Variants in NBAS observed in about 807,000 individuals in gnomAD.
NBAS encodes the protein NBAS subunit of NRZ tethering complex, also known as NAG/BC035112 fusion.
In NBAS, 219 loss-of-function variants were observed where a neutral mutation model predicts 302.5. That is an observed-to-expected ratio of 0.72 (90% CI 0.65 to 0.81). The LOEUF is 0.81. Among genes scored for constraint, NBAS ranks in the 30% least tolerant of loss-of-function variants. The probability of loss-of-function intolerance (pLI) is 0.00; values close to 1 mark genes in which losing one functional copy is unlikely to be tolerated. For synonymous variants in NBAS, 1,118 were observed against 1,021.6 expected (o/e 1.09, Z -1.80); for missense variants, 2,932 against 2,841.6 (o/e 1.03, Z -0.72).
At chr2:15,233,104 G>A (rs1035880043) in intron 46 of NBAS, among the ~76,000 whole-genome samples, 5 of 152,016 alleles carry the variant, frequency 3.3e-5, no homozygotes, top group Admixed American at 6.6e-5. Flanking sequence ...TGCCAGATTC[G>A]GTTCCTTTCA....
rs114001156 is a variant in NBAS, at chr2:15,235,082, G to A, written c.5944-335C>T. ...ATAATGGTCAGTTCTTTAGCACTTC[G>A]GGAATAAAGTAATGCTCGATAAGTA... On this transcript the variant is annotated intron_variant, in intron 45 of 51. Transcript: ENST00000281513. Among the ~76,000 whole-genome samples, 781 of 152,204 alleles carry A rather than the reference G, an allele frequency of 5.1e-3. 8 individuals carry two copies. The highest frequency in any genetic ancestry group is 0.018 in the African/African-American group (743 of 41,534).
chr2:15,203,238 G>A (rs1392443174), intron 48 of NBAS, among the ~76,000 whole-genome samples: 3 of 152,102 alleles, frequency 2.0e-5, no homozygotes, highest in African/African-American at 7.2e-5. Context: ...ATATCATTCT[G>A]TCATACTTTA....
chr2:15,511,454 A>G, intron 9 of NBAS, 104 bp from the exon 10 acceptor site: 1 of 997,250 alleles, frequency 1.0e-6, no homozygotes, highest in Non-Finnish European at 1.5e-6. Context: ...TTTACCAAGT[A>G]CTATTAATAT....
chr2:14,880,800 C>T, the NBAS span, among the ~76,000 whole-genome samples: 76 of 151,830 alleles, frequency 5.0e-4, no homozygotes, highest in African/African-American at 1.8e-3. Context: ...CCTAAATATT[C>T]AGATTAAAAA....
In NBAS at chr2:15,534,430, G is replaced by A. The variant is rs1663382337; in HGVS notation, c.746+113C>T. 37 of 816,024 alleles carry A rather than the reference G, an allele frequency of 4.5e-5. 1 individual carries two copies. Among genetic ancestry groups the A allele is most frequent in the South Asian group, 4.5e-4 (33 of 73,572 alleles). 50.5% of individuals were successfully genotyped at this position (816,024 alleles called of 1,614,324 possible). On this transcript the variant is annotated intron_variant, in intron 9 of 51. Transcript: ENST00000281513. ...TATTATAGATATTAAAGATAACTAC[G>A]CACAAGAGGAGGAAATTAAGAAGTC...
chr2:15,110,563 G>A, the NBAS span, among the ~76,000 whole-genome samples: 1 of 152,110 alleles, frequency 6.6e-6, no homozygotes, highest in African/African-American at 2.4e-5. Flanking sequence ...GAGAGAGGCT[G>A]AAAAGAGGCA....
chr2:15,493,614 C>A (rs1363759466), intron 11 of NBAS, among the ~76,000 whole-genome samples: 1 of 151,568 alleles, frequency 6.6e-6, no homozygotes, highest in East Asian at 1.9e-4. Flanking sequence ...TTGGCATGAA[C>A]CGAGATCACG....
chr2:15,224,180 A>G (rs901803433), intron 47 of NBAS, among the ~76,000 whole-genome samples: 1 of 152,204 alleles, frequency 6.6e-6, no homozygotes, highest in African/African-American at 2.4e-5. Flanking sequence ...GCATTTCCCT[A>G]TTATGTAATG....
At chr2:14,925,422 C>A in the NBAS span, among the ~76,000 whole-genome samples, 6 of 152,288 alleles carry the variant, frequency 3.9e-5, no homozygotes, top group Admixed American at 2.6e-4. Flanking sequence ...CTAGGCTACA[C>A]ACTCCTACTT....
At chr2:15,164,369 G>T (rs1206055175), downstream of NBAS, among the ~76,000 whole-genome samples, 1 of 152,230 alleles carries the variant, frequency 6.6e-6, no homozygotes, top group Non-Finnish European at 1.5e-5. Context: ...ACATACCTGG[G>T]TTTGCATTGT....
intron 32 of NBAS, among the ~76,000 whole-genome samples, chr2:15,360,501 A>T (rs917714254): frequency 6.6e-6 from 1 of 151,936 alleles, no homozygotes; most frequent in Non-Finnish European, 1.5e-5. Flanking sequence ...ATGCATCACC[A>T]CACCCAGGAA....
the NBAS span, among the ~76,000 whole-genome samples, chr2:14,800,938 G>A: frequency 6.6e-6 from 1 of 151,800 alleles, no homozygotes; most frequent in Non-Finnish European, 1.5e-5. Context: ...AGTTCTGTAG[G>A]TGATAAATTA....
the NBAS span, among the ~76,000 whole-genome samples, chr2:15,075,798 A>G: frequency 0.035 from 5,278 of 151,380 alleles, 313 homozygotes; most frequent in African/African-American, 0.12. Flanking sequence ...CACACAGAAA[A>G]AGCCCAGAAG....
intron 13 of NBAS, among the ~76,000 whole-genome samples, chr2:15,476,867 A>G (rs959635972): frequency 1.3e-5 from 2 of 152,260 alleles, no homozygotes; most frequent in Non-Finnish European, 2.9e-5. Context: ...AAAGTAAACC[A>G]TAAATTTAAC....
At chr2:15,122,511 C>A in the NBAS span, among the ~76,000 whole-genome samples, 1 of 152,164 alleles carries the variant, frequency 6.6e-6, no homozygotes, top group African/African-American at 2.4e-5. Flanking sequence ...CCCCCATGAT[C>A]CAATCACCTC....
chr2:15,474,132 T>C lies in NBAS; in HGVS notation c.1534A>G (p.Ile512Val). Residue 512 changes from isoleucine to valine, a missense_variant, in exon 15 of 52, where the codon ATT becomes GTT. Ile to Val is a conservative substitution (Grantham distance 29). Transcript: ENST00000281513. ...CTCACAAGGCGGTAGTTTTTAGTAA[T>C]GGTTCGTGGGCGTTTCCGTGGTGGT... ...FAPPRKRPRTITKNYRLVSLR... is the reference protein window; with the variant it reads ...FAPPRKRPRTVTKNYRLVSLR... 6.2e-7 allele frequency: 1 copy of C among 1,614,096 alleles called. No homozygotes were observed. The highest frequency in any genetic ancestry group is 2.2e-5 in the East Asian group (1 of 44,878).
chr2:15,504,038 T>C lies in NBAS; in HGVS notation c.954+107A>G, dbSNP rs955228227. On this transcript the variant is annotated intron_variant, in intron 11 of 51. Transcript: ENST00000281513. ...AGCCACATAGTGTATATGAATACAC[T>C]CAGATGAAGATACAAAAAATTCGAG... The C allele has an allele frequency of 1.2e-5, 10 of 838,202 alleles. No individual in the cohort carries two copies. The Admixed American group carries it at 1.6e-4, about 13-fold the overall frequency. 51.9% of individuals were successfully genotyped at this position (838,202 alleles called of 1,614,324 possible).
At chr2:15,089,521 G>C in the NBAS span, among the ~76,000 whole-genome samples, 1 of 151,996 alleles carries the variant, frequency 6.6e-6, no homozygotes, top group African/African-American at 2.4e-5. Context: ...CCACAGGCTC[G>C]GATACTCCCA....
intron 47 of NBAS, among the ~76,000 whole-genome samples, chr2:15,230,966 T>C (rs1320270518): frequency 6.6e-6 from 1 of 152,200 alleles, no homozygotes; most frequent in African/African-American, 2.4e-5. Context: ...ACTGACCAGC[T>C]CTGTGTCACC....
Sources: gnomAD v4.1 joint callset for allele counts (sites outside exome capture counted in the v4.1 genomes callset) on GRCh38, gnomAD v4.1.1 for gene constraint, MANE v1.5 for transcripts, NCBI Gene and HGNC (gene_info 2026-07-23, HGNC 2026-07-21) for gene names.